The following ADGB variants were observed in gnomAD, a reference collection of about 807,000 sequenced individuals.
ADGB encodes calpain-7-like protein.
In ADGB, 172 loss-of-function variants were observed where a neutral mutation model predicts 210.5. The ratio of observed to expected loss-of-function variants is 0.82; its 90% CI spans 0.72 to 0.93. The LOEUF is 0.93. Among genes scored for constraint, ADGB ranks in the 40% least tolerant of loss-of-function variants. The pLI, the probability that ADGB is intolerant of heterozygous loss-of-function variation, is 0.00. For missense variants in ADGB, 2,025 were observed against 1,964.8 expected, an observed-to-expected ratio of 1.03 and a Z score of -0.58; for synonymous variants, 658 against 662.7, an observed-to-expected ratio of 0.99 and a Z score of 0.11.
chr6:146,801,514 T>C (rs370482045), intron 34 of ADGB, among the ~76,000 whole-genome samples: 101 of 152,282 alleles, frequency 6.6e-4, no homozygotes, highest in African/African-American at 2.4e-3. Flanking sequence ...ATCAAAATTA[T>C]TAGCTGCATA....
At chr6:146,807,645 CT>C (rs1402603529) in intron 35 of ADGB, 11 of 1,321,504 alleles carry the variant, frequency 8.3e-6, no homozygotes, top group Admixed American at 2.9e-5. Flanking sequence ...TTGTAATGAT[CT>C]TTAACTGCCT....
At chr6:146,748,543 GC>G in intron 26 of ADGB, among the ~76,000 whole-genome samples, 1 of 152,180 alleles carries the variant, frequency 6.6e-6, no homozygotes, top group Non-Finnish European at 1.5e-5. Context: ...GTCTATCTCT[GC>G]CAACATCTTC....
chr6:146,749,319 G>T (rs1777286464), intron 26 of ADGB, among the ~76,000 whole-genome samples: 1 of 152,118 alleles, frequency 6.6e-6, no homozygotes, highest in Admixed American at 6.6e-5. Context: ...ATTGATTTGG[G>T]AGTCATTATT....
At chr6:146,791,733 A>T (rs1364976876) in intron 33 of ADGB, among the ~76,000 whole-genome samples, 1 of 151,684 alleles carries the variant, frequency 6.6e-6, no homozygotes, top group African/African-American at 2.4e-5. Context: ...TCCCTTTCCC[A>T]TTGTGTGTTC....
intron 2 of ADGB, among the ~76,000 whole-genome samples, chr6:146,641,264 G>A (rs1775509190): frequency 6.6e-6 from 1 of 151,646 alleles, no homozygotes; most frequent in African/African-American, 2.4e-5. Flanking sequence ...GAAACAAATG[G>A]GAAAACATTC....
At chr6:146,636,658 C>A (rs957546) in intron 2 of ADGB, among the ~76,000 whole-genome samples, 1 of 151,330 alleles carries the variant, frequency 6.6e-6, no homozygotes, top group South Asian at 2.1e-4. Flanking sequence ...GTGGTAAAAT[C>A]TAGGATAGAA....
intron 33 of ADGB, among the ~76,000 whole-genome samples, chr6:146,790,926 AT>A (rs1294578573): frequency 6.6e-6 from 1 of 151,968 alleles, no homozygotes; most frequent in Non-Finnish European, 1.5e-5. Flanking sequence ...TTTAACGTGC[AT>A]TTTTCTGATG....
intron 19 of ADGB, among the ~76,000 whole-genome samples, chr6:146,727,881 T>G (rs527352456): frequency 5.3e-5 from 8 of 152,370 alleles, no homozygotes; most frequent in Admixed American, 2.0e-4. Context: ...GCAAGGCATC[T>G]GTGCTTCAGG....
At chr6:146,657,023 T>G in intron 5 of ADGB, 43 bp downstream of exon 5, 1 of 1,466,370 alleles carries the variant, frequency 6.8e-7, no homozygotes, top group Non-Finnish European at 9.3e-7. Context: ...GAGTCTTTCA[T>G]ATTGAAATAT....
At chr6:146,635,078 A>G (rs921865881) in intron 1 of ADGB, among the ~76,000 whole-genome samples, 1 of 152,032 alleles carries the variant, frequency 6.6e-6, no homozygotes, top group Non-Finnish European at 1.5e-5. Context: ...CTATTTATCA[A>G]CTATATGTTG....
chr6:146,786,163 T>A (rs259393), intron 32 of ADGB, among the ~76,000 whole-genome samples: 110,661 of 142,786 alleles, frequency 0.78, 42,437 homozygotes, highest in Admixed American at 0.83. Flanking sequence ...ATATTTAAGT[T>A]AGTATATATA....
intron 10 of ADGB, among the ~76,000 whole-genome samples, chr6:146,687,085 G>A (rs1293034678): frequency 2.6e-5 from 4 of 151,900 alleles, no homozygotes; most frequent in Admixed American, 2.0e-4. Flanking sequence ...CTATATAACA[G>A]TGTTCATAAG....
At chr6:146,770,873 T>C (rs899845448) in intron 29 of ADGB, among the ~76,000 whole-genome samples, 11 of 152,186 alleles carry the variant, frequency 7.2e-5, no homozygotes, top group Admixed American at 2.6e-4. Context: ...GTGTTATACA[T>C]AAAAACACTT....
chr6:146,674,248 G>T (rs922951014), intron 8 of ADGB, among the ~76,000 whole-genome samples: 2 of 152,140 alleles, frequency 1.3e-5, no homozygotes, highest in African/African-American at 4.8e-5. Context: ...AAACAACCCT[G>T]TGAGAAGCTT....
chr6:146,728,817 TC>T, intron 20 of ADGB, 76 bp downstream of exon 20: 1 of 1,213,514 alleles, frequency 8.2e-7, no homozygotes, highest in Non-Finnish European at 1.1e-6. Context: ...TTAGGTGACC[TC>T]CCAAATCAGA....
At chr6:146,682,247 T>G (rs1007182339) in intron 9 of ADGB, among the ~76,000 whole-genome samples, 2 of 152,106 alleles carry the variant, frequency 1.3e-5, no homozygotes, top group Non-Finnish European at 2.9e-5. Context: ...AAAGTGGTAT[T>G]TAAGTAATCT....
intron 1 of ADGB, among the ~76,000 whole-genome samples, chr6:146,609,317 T>C (rs1780673442): frequency 6.6e-6 from 1 of 152,134 alleles, no homozygotes; most frequent in African/African-American, 2.4e-5. Flanking sequence ...GAGTCTTGCT[T>C]CTTTGTCCAA....
chr6:146,712,570 A>C (rs980091805), intron 13 of ADGB, among the ~76,000 whole-genome samples: 2 of 152,098 alleles, frequency 1.3e-5, no homozygotes, highest in African/African-American at 4.8e-5. Context: ...ATCTGAAGTC[A>C]AATTATTTAG....
intron 29 of ADGB, among the ~76,000 whole-genome samples, chr6:146,779,612 A>C (rs1777769613): frequency 6.6e-6 from 1 of 152,170 alleles, no homozygotes; most frequent in African/African-American, 2.4e-5. Context: ...ATTAATAGCA[A>C]ATTTTTACAT....
Sources: allele counts gnomAD v4.1 joint callset (sites outside exome capture counted in the v4.1 genomes callset), GRCh38; gene constraint gnomAD v4.1.1; transcripts MANE v1.5; gene names NCBI Gene and HGNC (gene_info 2026-07-23, HGNC 2026-07-21).